SNCAIP: variants seen among roughly 807,000 people sequenced by gnomAD.
SNCAIP encodes the protein synphilin-1.
Under a neutral mutation model 86.7 loss-of-function variants are expected in SNCAIP, and 43 were observed. The observed-to-expected ratio is 0.50, with a 90% CI of 0.39 to 0.64. SNCAIP has a LOEUF of 0.64. Among genes scored for constraint, SNCAIP ranks in the 30% least tolerant of loss-of-function variants. SNCAIP has a pLI of 0.00. For synonymous variants in SNCAIP, 417 were observed against 427.2 expected, an observed-to-expected ratio of 0.98 and a Z score of 0.29; for missense variants, 981 against 1,103.1, an observed-to-expected ratio of 0.89 and a Z score of 1.57.
intron 3 of SNCAIP, among the ~76,000 whole-genome samples, chr5:122,420,996 ATGTGT>A (rs1776261598): frequency 6.6e-6 from 1 of 152,216 alleles, no homozygotes; most frequent in Non-Finnish European, 1.5e-5. Flanking sequence ...AGAAGATTTA[ATGTGT>A]TGTGCAAAGT....
chr5:122,370,869 T>G (rs1278095540), intron 1 of SNCAIP, among the ~76,000 whole-genome samples: 2 of 152,204 alleles, frequency 1.3e-5, no homozygotes, highest in Non-Finnish European at 2.9e-5. Context: ...TCAGTATTAT[T>G]TGCTATAAAT....
chr5:122,450,592 A>T lies in SNCAIP; in HGVS notation c.1745A>T (p.Asp582Val). 3.1e-6 allele frequency: 5 copies of T among 1,614,150 alleles called. No individual in the cohort carries two copies. The highest frequency in any genetic ancestry group is 4.2e-6 in the Non-Finnish European group (5 of 1,180,014). Residue 582 changes from aspartate to valine, a missense_variant, in exon 10 of 11, where the codon GAT (aspartate) becomes GTT (valine). Asp to Val is a radical substitution (Grantham distance 152). Coordinates refer to ENST00000261368, the MANE Select transcript of SNCAIP (RefSeq NM_005460.4). Reference sequence around the variant, plus strand: ...TGGAAATCTCCAGATGCAGATGATGATTCTGTAGCCAAAAGCAAGCCAGGA... The same window carrying T: ...TGGAAATCTCCAGATGCAGATGATGTTTCTGTAGCCAAAAGCAAGCCAGGA... ...SQWKSPDADD[D>V]SVAKSKPGVQ...
At chr5:122,361,842 G>A (rs910924548) in intron 1 of SNCAIP, among the ~76,000 whole-genome samples, 1 of 152,136 alleles carries the variant, frequency 6.6e-6, no homozygotes, top group African/African-American at 2.4e-5. Context: ...ATAGAAAAAA[G>A]CAGGAAAATC....
At chr5:122,392,816 T>C (rs542286136) in intron 2 of SNCAIP, among the ~76,000 whole-genome samples, 1 of 152,332 alleles carries the variant, frequency 6.6e-6, no homozygotes, top group Non-Finnish European at 1.5e-5. Context: ...AGTAAGTTGC[T>C]CTTAAAAATG....
chr5:122,411,611 C>T (rs951575048), intron 3 of SNCAIP, among the ~76,000 whole-genome samples: 9 of 152,006 alleles, frequency 5.9e-5, no homozygotes, highest in Admixed American at 2.0e-4. Context: ...GAAACAAAAT[C>T]CTAGAATCTC....
chr5:122,389,439 G>A (rs1475884894), intron 1 of SNCAIP: 2 of 152,264 alleles, frequency 1.3e-5, no homozygotes, highest in African/African-American at 4.8e-5. Context: ...TAGTGAACAC[G>A]CTAGTATCCA....
rs202133701 is a variant in SNCAIP at position 122,450,986 on chromosome 5, C to T, written c.2139C>T (p.Ser713=). 11 of 1,614,068 alleles carry T rather than the reference C, an allele frequency of 6.8e-6. No homozygotes were observed. Among genetic ancestry groups the T allele is most frequent in the Admixed American group, 5.0e-5 (3 of 60,018 alleles). The part of the protein sequence containing the change: ...PIVESVESMD[S]AESLHLMIKK... ...TAGAAAGCGTAGAGAGTATGGACAGCGCAGAAAGCCTGCACCTGATGATTA... is the reference window on the plus strand; with the variant it reads ...TAGAAAGCGTAGAGAGTATGGACAGTGCAGAAAGCCTGCACCTGATGATTA... The change falls in exon 10 of 11, where the codon AGC becomes AGT. Residue 713 remains serine (S), a synonymous_variant. Coordinates refer to ENST00000261368, the MANE Select transcript of SNCAIP (RefSeq NM_005460.4).
chr5:122,359,483 C>T (rs1233649885), intron 1 of SNCAIP, among the ~76,000 whole-genome samples: 6 of 151,952 alleles, frequency 3.9e-5, no homozygotes, highest in African/African-American at 1.4e-4. Flanking sequence ...TGTGCCTCAG[C>T]CTTCTGAGTA....
At position 122,450,976 on chromosome 5, in the gene SNCAIP, G is replaced by T. The variant is rs1466558209; in HGVS notation, c.2129G>T (p.Ser710Ile). 1 of 1,614,154 alleles carries T rather than the reference G, an allele frequency of 6.2e-7. No individual in the cohort carries two copies. The highest frequency in any genetic ancestry group is 1.3e-5 in the African/African-American group (1 of 75,034). The change falls in exon 10 of 11, where the codon AGT becomes ATT. Residue 710 changes from serine (S) to isoleucine (I), a missense_variant. Coordinates refer to ENST00000261368, the MANE Select transcript of SNCAIP (RefSeq NM_005460.4). ...RPQPIVESVE[S>I]MDSAESLHLM... Reference sequence around the variant, plus strand: ...CAGCCCATTGTAGAAAGCGTAGAGAGTATGGACAGCGCAGAAAGCCTGCAC... The same window carrying T: ...CAGCCCATTGTAGAAAGCGTAGAGATTATGGACAGCGCAGAAAGCCTGCAC...
chr5:122,350,441 T>G (rs1198081950), intron 1 of SNCAIP, among the ~76,000 whole-genome samples: 1 of 151,990 alleles, frequency 6.6e-6, no homozygotes, highest in Non-Finnish European at 1.5e-5. Context: ...AAATAGATAT[T>G]ATAGTTCAGA....
Position 122,373,897 on chromosome 5 carries a change from G to A in SNCAIP, c.-46-17192G>A, listed in dbSNP as rs181571156. Among the ~76,000 whole-genome samples the A allele has an allele frequency of 2.0e-5, 3 of 152,282 alleles. No homozygotes were observed. The East Asian group carries it at 5.8e-4, about 29-fold the overall frequency. On this transcript the variant is annotated intron_variant, in intron 1 of 10. Coordinates refer to ENST00000261368, the MANE Select transcript of SNCAIP (RefSeq NM_005460.4). ...CCAACAGAAGCATTCCTTGAAGGTG[G>A]TTTCTGTACTTTGGGTGGCTGGTGT...
intron 3 of SNCAIP, among the ~76,000 whole-genome samples, chr5:122,412,386 C>T (rs1315093339): frequency 6.6e-6 from 1 of 152,178 alleles, no homozygotes; most frequent in Non-Finnish European, 1.5e-5. Flanking sequence ...AATGCACTGA[C>T]ACTTTGCTAT....
At chr5:122,323,067 G>T (rs538628194) in intron 1 of SNCAIP, among the ~76,000 whole-genome samples, 5 of 152,276 alleles carry the variant, frequency 3.3e-5, no homozygotes, top group African/African-American at 9.6e-5. Context: ...AGGTTTAAAA[G>T]AATTTTCATA....
chr5:122,416,624 G>A (rs1008951736), intron 3 of SNCAIP, among the ~76,000 whole-genome samples: 5 of 152,118 alleles, frequency 3.3e-5, no homozygotes, highest in South Asian at 2.1e-4. Context: ...CCAGCAAGTC[G>A]TCCTCACTCA....
At chr5:122,444,931 T>C (rs1781950483) in intron 8 of SNCAIP, 199 bp downstream of exon 8, 1 of 627,806 alleles carries the variant, frequency 1.6e-6, no homozygotes, top group African/African-American at 1.8e-5. Context: ...GGCAAAAGGA[T>C]GTCTAAACAG....
rs1015223690 is a variant in SNCAIP, at chr5:122,450,804, A to G, written c.1957A>G (p.Lys653Glu). The G allele has an allele frequency of 1.9e-6, 3 of 1,614,156 alleles. No homozygotes were observed. Among genetic ancestry groups the G allele is most frequent in the East Asian group, 2.2e-5 (1 of 44,874 alleles). ...QDAQASSRNS[K>E]KIPLEKRELK... ...TGCTCAGGCTTCCTCTAGAAATTCTAAAAAGATCCCACTGGAGAAGAGGGA... is the reference window on the plus strand; with the variant it reads ...TGCTCAGGCTTCCTCTAGAAATTCTGAAAAGATCCCACTGGAGAAGAGGGA... Residue 653 changes from lysine (K) to glutamate (E), a missense_variant, in exon 10 of 11, where the codon AAA becomes GAA. Physicochemically the swap from Lys to Glu is moderately conservative, Grantham distance 56 (BLOSUM62 1). Transcript: ENST00000261368.
At chr5:122,391,680 G>A (rs1769392958) in intron 2 of SNCAIP, among the ~76,000 whole-genome samples, 1 of 152,152 alleles carries the variant, frequency 6.6e-6, no homozygotes, top group African/African-American at 2.4e-5. Flanking sequence ...GAATATTAAG[G>A]AAAATTCGTG....
intron 1 of SNCAIP, among the ~76,000 whole-genome samples, chr5:122,381,043 G>A (rs1289520558): frequency 6.7e-6 from 1 of 150,136 alleles, no homozygotes; most frequent in African/African-American, 2.5e-5. Context: ...GAGTTCTGTA[G>A]ATGTCTATTA....
chr5:122,417,550 C>A (rs1403309590), intron 3 of SNCAIP, among the ~76,000 whole-genome samples: 2 of 152,292 alleles, frequency 1.3e-5, no homozygotes, highest in East Asian at 3.9e-4. Context: ...AAGTATTTGG[C>A]ACAATTAGTG....
Sources: gnomAD v4.1 joint callset for allele counts (sites outside exome capture counted in the v4.1 genomes callset) on GRCh38, gnomAD v4.1.1 for gene constraint, MANE v1.5 for transcripts, NCBI Gene and HGNC (gene_info 2026-07-23, HGNC 2026-07-21) for gene names.